Variants in CAMSAP1 observed in about 807,000 individuals in gnomAD.
The protein encoded by CAMSAP1 is calmodulin-regulated spectrin-associated protein 1.
CAMSAP1 carries 58 observed loss-of-function variants against 143.5 expected under a neutral mutation model. That is an observed-to-expected ratio of 0.40 (90% CI 0.33 to 0.50). The LOEUF (loss-of-function observed/expected upper bound fraction) is 0.50. CAMSAP1 is among the 20% of genes least tolerant of loss of function. CAMSAP1 has a pLI of 0.45. For missense variants in CAMSAP1, 1,969 were observed against 2,115.7 expected (o/e 0.93, Z 1.36); for synonymous variants, 945 against 859.3 (o/e 1.10, Z -1.74).
intron 7 of CAMSAP1, among the ~76,000 whole-genome samples, chr9:135,837,421 G>A (rs1250615174): frequency 3.5e-5 from 5 of 142,510 alleles, no homozygotes; most frequent in South Asian, 2.3e-4. Flanking sequence ...ACGTCATCAC[G>A]CGCTTTCTAC....
At position 135,883,145 on chromosome 9, in the gene CAMSAP1, G is replaced by A; in HGVS notation, c.161-67C>T. 2.6e-6 allele frequency: 4 copies of A among 1,512,844 alleles called. No individual in the cohort carries two copies. The South Asian group carries it at 5.0e-5, about 19-fold the overall frequency. The allele number at this position is 1,512,844 out of a possible 1,614,324, so 93.7% of individuals were successfully genotyped here. On this transcript the variant is annotated intron_variant, in intron 1 of 16. Transcript: ENST00000389532. ...GACCCAAAGGAAGGAGTTCAAGGCT[G>A]CAGTGAACTATGACTGTGCCACTGT...
chr9:135,814,693 T>C (rs760744582), intron 16 of CAMSAP1, among the ~76,000 whole-genome samples: 2 of 151,848 alleles, frequency 1.3e-5, no homozygotes, highest in African/African-American at 2.4e-5. Context: ...CCCTGGCCCC[T>C]GTTCCTCATT....
At position 135,867,441 on chromosome 9, in the gene CAMSAP1, C is replaced by G. The variant is rs76859066; in HGVS notation, c.586-905G>C. Among the ~76,000 whole-genome samples the G allele has an allele frequency of 7.1e-3, 1,077 of 151,060 alleles. 19 individuals carry two copies. The highest frequency in any genetic ancestry group is 0.051 in the East Asian group (264 of 5,148). On this transcript the variant is annotated intron_variant, in intron 3 of 16. Transcript: ENST00000389532. ...ACGAAGATCACTTGAGTCCAAAAAC[C>G]GCACGCCAGCCTAGGCAACACAGCA... is the stretch of plus-strand genomic sequence containing the variant.
At chr9:135,825,151 G>A (rs1038330406) in intron 8 of CAMSAP1, among the ~76,000 whole-genome samples, 1 of 152,086 alleles carries the variant, frequency 6.6e-6, no homozygotes, top group Non-Finnish European at 1.5e-5. Context: ...ACCCAAGCGT[G>A]CAATTAGAGT....
At position 135,907,523 on chromosome 9, in the gene CAMSAP1, T is replaced by C. The variant is rs1838826352; in HGVS notation, c.-364A>G. On this transcript the variant is annotated 5_prime_UTR_variant, in exon 1 of 17. Transcript: ENST00000389532. ...GCGGCGGCGACAGCGGCTGAGGCGGTGGCCAAGGAGCGGGAGCGCGCTCAC... is the reference window on the plus strand; with the variant it reads ...GCGGCGGCGACAGCGGCTGAGGCGGCGGCCAAGGAGCGGGAGCGCGCTCAC... Among the ~76,000 whole-genome samples the C allele has an allele frequency of 2.1e-5, 3 of 146,054 alleles. No homozygotes were observed. The South Asian group carries it at 6.8e-4, about 33-fold the overall frequency.
chr9:135,883,608 T>TACA (rs1838029530), intron 1 of CAMSAP1, among the ~76,000 whole-genome samples: 1 of 152,192 alleles, frequency 6.6e-6, no homozygotes, highest in Non-Finnish European at 1.5e-5. Flanking sequence ...CCATGGTCTT[T>TACA]ACAGAAGAGG....
intron 16 of CAMSAP1, among the ~76,000 whole-genome samples, chr9:135,812,514 A>AG (rs554026722): frequency 2.0e-5 from 3 of 152,158 alleles, no homozygotes; most frequent in African/African-American, 4.8e-5. Context: ...GGGAAGACTT[A>AG]GGGGGGTGAC....
intron 1 of CAMSAP1, among the ~76,000 whole-genome samples, chr9:135,894,121 G>A (rs146282886): frequency 1.3e-5 from 2 of 152,042 alleles, no homozygotes; most frequent in African/African-American, 2.4e-5. Context: ...CACACCAGGC[G>A]AGCCCAAGCC....
rs753026060 is a variant in CAMSAP1, at chr9:135,862,448, G to A, written c.808+19C>T. 2 of 1,550,432 alleles carry A rather than the reference G, an allele frequency of 1.3e-6. No homozygotes were observed. The highest frequency in any genetic ancestry group is 2.4e-5 in the East Asian group (1 of 40,876). ...TTAAGCCTTTTCGGATCTGTTTCAG[G>A]GAAGCATTCTCCACTCACCATCCAG... On this transcript the variant is annotated intron_variant, in intron 5 of 16. Transcript: ENST00000389532.
chr9:135,821,362 C>T lies in CAMSAP1; in HGVS notation c.3299G>A (p.Arg1100His), dbSNP rs376580776. Residue 1100 changes from arginine to histidine, a missense_variant, in exon 11 of 17, where the codon CGT becomes CAT. Transcript: ENST00000389532. The surrounding 1 kb of genome is among the most constrained non-coding windows in gnomAD (Gnocchi z 4.6). The stretch of plus-strand genomic sequence containing the variant: ...CTTCAGCTCCGCCGGCCTTCCGGAA[C>T]GGGAATTCCGGCCTTGACCCAGCCG... ...APRLGQGRNS[R>H]SGRPAELKVP... The T allele has an allele frequency of 9.3e-6, 15 of 1,613,606 alleles. No individual in the cohort carries two copies. Among genetic ancestry groups the T allele is most frequent in the African/African-American group, 5.3e-5 (4 of 74,946 alleles).
intron 1 of CAMSAP1, among the ~76,000 whole-genome samples, chr9:135,899,573 A>G (rs1838557492): frequency 6.6e-6 from 1 of 152,136 alleles, no homozygotes; most frequent in South Asian, 2.1e-4. Context: ...CAATTCCCAC[A>G]GAGCAAATCC....
At chr9:135,906,758 G>A (rs934915587) in intron 1 of CAMSAP1, among the ~76,000 whole-genome samples, 1 of 151,972 alleles carries the variant, frequency 6.6e-6, no homozygotes, top group African/African-American at 2.4e-5. Context: ...AAATAGGAGC[G>A]GAAGCCCCGA....
chr9:135,899,270 C>A (rs1165719670), intron 1 of CAMSAP1, among the ~76,000 whole-genome samples: 1 of 152,012 alleles, frequency 6.6e-6, no homozygotes, highest in Non-Finnish European at 1.5e-5. Flanking sequence ...ATGTAAATCA[C>A]ACCTCGATAA....
At chr9:135,904,243 A>G (rs1281174722) in intron 1 of CAMSAP1, among the ~76,000 whole-genome samples, 1 of 152,042 alleles carries the variant, frequency 6.6e-6, no homozygotes, top group Non-Finnish European at 1.5e-5. Context: ...TCTACAAAAA[A>G]TACAAAAGTT....
chr9:135,845,406 C>T (rs1206086386), intron 7 of CAMSAP1, among the ~76,000 whole-genome samples: 1 of 152,156 alleles, frequency 6.6e-6, no homozygotes, highest in African/African-American at 2.4e-5. Context: ...CGACAGCCAA[C>T]ATCATACTGA....
In CAMSAP1 at chr9:135,820,886, G is replaced by A. The variant is rs867686505; in HGVS notation, c.3775C>T (p.Leu1259Phe). The change falls in exon 11 of 17, where the codon CTT becomes TTT. Residue 1259 changes from leucine (L) to phenylalanine (F), a missense_variant. By Grantham distance (22) the Leu-to-Phe change is conservative. Around this residue, in one of 4 missense-constraint regions of CAMSAP1, gnomAD observed 1,390 missense variants for 1,420.8 expected, o/e 0.98. Coordinates refer to ENST00000389532, the MANE Select transcript of CAMSAP1 (RefSeq NM_015447.4). This position sits in a 1 kb window ranked among gnomAD's most constrained non-coding sequence, Gnocchi z 4.4. Reference sequence around the variant, plus strand: ...GGCTTCTGGTCGCCTTCGCTGACAAGGTCCGCCGAGCCATCGAGGCTTACC... The same window carrying A: ...GGCTTCTGGTCGCCTTCGCTGACAAAGTCCGCCGAGCCATCGAGGCTTACC... ...ELVSLDGSAD[L>F]VSEGDQKPGV... The A allele has an allele frequency of 1.8e-5, 29 of 1,613,620 alleles. No individual in the cohort carries two copies. Among genetic ancestry groups the A allele is most frequent in the Middle Eastern group, 1.6e-4 (1 of 6,062 alleles).
At position 135,818,268 on chromosome 9, in the gene CAMSAP1, T is replaced by C. The variant is rs1835314557; in HGVS notation, c.4168+140A>G. The C allele has an allele frequency of 3.6e-6, 4 of 1,119,332 alleles. No homozygotes were observed. The highest frequency in any genetic ancestry group is 5.0e-6 in the Non-Finnish European group (4 of 794,868). The allele number at this position is 1,119,332 out of a possible 1,614,324, so 69.3% of individuals were successfully genotyped here. A position where few individuals can be genotyped will look rare whatever the true frequency, so the allele number is the denominator to read the frequency against. On this transcript the variant is annotated intron_variant, in intron 13 of 16. Coordinates refer to ENST00000389532, the MANE Select transcript of CAMSAP1 (RefSeq NM_015447.4). This position sits in a 1 kb window ranked among gnomAD's most constrained non-coding sequence, Gnocchi z 7.7. ...CTCAGAGCATCTGGTCTCAACATTG[T>C]CATCCATGAAACGGGGATAATCATC... is the stretch of plus-strand genomic sequence containing the variant.
chr9:135,901,442 A>G (rs917758295), intron 1 of CAMSAP1, among the ~76,000 whole-genome samples: 2 of 152,044 alleles, frequency 1.3e-5, no homozygotes, highest in Admixed American at 6.6e-5. Context: ...CACCTCTACA[A>G]AAAATAATAA....
chr9:135,870,632 A>G (rs1303592816), intron 3 of CAMSAP1, among the ~76,000 whole-genome samples: 1 of 152,048 alleles, frequency 6.6e-6, no homozygotes, highest in Non-Finnish European at 1.5e-5. Flanking sequence ...TTATCTCTAC[A>G]AAAAATAAAA....
Sources: allele counts gnomAD v4.1 joint callset (sites outside exome capture counted in the v4.1 genomes callset), GRCh38; gene constraint gnomAD v4.1.1; regional missense constraint gnomAD v4.1.1; non-coding constraint Gnocchi (gnomAD v3.1); transcripts MANE v1.5; gene names NCBI Gene and HGNC (gene_info 2026-07-23, HGNC 2026-07-21).